The following NTM variants were observed in gnomAD, a reference collection of about 807,000 sequenced individuals.
NTM encodes IgLON family member 2.
A neutral mutation model predicts 42.1 loss-of-function variants in NTM; 13 were observed. The ratio of observed to expected loss-of-function variants is 0.31; its 90% confidence interval spans 0.20 to 0.49. The LOEUF (loss-of-function observed/expected upper bound fraction) is 0.49. Among genes scored for constraint, NTM ranks in the 20% least tolerant of loss-of-function variants. NTM has a pLI of 0.99. For synonymous variants in NTM, 187 were observed against 179.2 expected (o/e 1.04, Z -0.35); for missense variants, 373 against 452.8 (o/e 0.82, Z 1.60).
chr11:131,567,201 A>G lies in NTM; in HGVS notation c.82+196313A>G, dbSNP rs2056980444. Among the ~76,000 whole-genome samples, 3 of 152,122 alleles carry G rather than the reference A, an allele frequency of 2.0e-5. No homozygotes were observed. The South Asian group carries it at 6.2e-4, about 32-fold the overall frequency. On this transcript the variant is annotated intron_variant, in intron 1 of 8. Transcript: ENST00000683400. Reference sequence around the variant, plus strand: ...GATGCTTGGTGGGAAACCTAAAAAAACCCTAGAGGCCGGGCACAGTGGCTC... The same window carrying G: ...GATGCTTGGTGGGAAACCTAAAAAAGCCCTAGAGGCCGGGCACAGTGGCTC...
intron 2 of NTM, among the ~76,000 whole-genome samples, chr11:132,056,845 C>A (rs1373043728): frequency 6.6e-6 from 1 of 152,196 alleles, no homozygotes; most frequent in Non-Finnish European, 1.5e-5. Context: ...TCCCCCAGTG[C>A]ACTCCACGGA....
intron 3 of NTM, among the ~76,000 whole-genome samples, chr11:132,162,357 T>A (rs1172524168): frequency 6.7e-6 from 1 of 150,006 alleles, no homozygotes; most frequent in Non-Finnish European, 1.5e-5. Context: ...GTGGGGCATG[T>A]GGGGGGGACT....
At chr11:131,522,896 G>T (rs1485842217) in intron 1 of NTM, among the ~76,000 whole-genome samples, 1 of 152,232 alleles carries the variant, frequency 6.6e-6, no homozygotes, top group Non-Finnish European at 1.5e-5. Flanking sequence ...CTAGACTGAT[G>T]AATATCCAGA....
At chr11:132,131,765 C>T in intron 2 of NTM, among the ~76,000 whole-genome samples, 1 of 152,230 alleles carries the variant, frequency 6.6e-6, no homozygotes, top group Non-Finnish European at 1.5e-5. Context: ...AGAAAGGTCC[C>T]TGCGGCAAAA....
In NTM at chr11:132,267,152, T is replaced by A. The variant is rs181617692; in HGVS notation, c.527-40537T>A. On this transcript the variant is annotated intron_variant, in intron 4 of 8. Transcript: ENST00000683400. ...TCCCTGGAGTAGCTAGATCAAAGGA[T>A]TTTTCCTCTGAAAAGCTCATTTAGT... Among the ~76,000 whole-genome samples the A allele has an allele frequency of 1.7e-3, 263 of 152,260 alleles. 1 individual carries two copies. Among genetic ancestry groups the A allele is most frequent in the Non-Finnish European group, 3.1e-3 (208 of 68,014 alleles).
intron 4 of NTM, among the ~76,000 whole-genome samples, chr11:132,254,088 A>C (rs1449056126): frequency 2.0e-5 from 3 of 152,114 alleles, no homozygotes; most frequent in African/African-American, 7.2e-5. Context: ...GTTGTTTGCT[A>C]TCCAGACTCT....
At chr11:131,692,900 T>A (rs959613756) in intron 1 of NTM, among the ~76,000 whole-genome samples, 3 of 152,220 alleles carry the variant, frequency 2.0e-5, no homozygotes, top group African/African-American at 7.2e-5. Context: ...AGGGTTAGTG[T>A]CAGATGCTTC....
rs369264363 is a variant in NTM, at chr11:131,929,326, G to T, written c.167+17678G>T. Among the ~76,000 whole-genome samples, 39 of 152,274 alleles carry T rather than the reference G, an allele frequency of 2.6e-4. 2 individuals carry two copies. Among genetic ancestry groups the T allele is most frequent in the African/African-American group, 8.9e-4 (37 of 41,538 alleles). ...GATCATCCTTGGCCTGAACCAACGG[G>T]GGGGCACATGTGGGCGGGGCCTGGT... On this transcript the variant is annotated intron_variant, in intron 2 of 8. Transcript: ENST00000683400.
chr11:132,042,615 G>T (rs2077355251), intron 2 of NTM, among the ~76,000 whole-genome samples: 1 of 152,166 alleles, frequency 6.6e-6, no homozygotes, highest in Admixed American at 6.5e-5. Flanking sequence ...AAGAGCCTTT[G>T]AGCTTAGAGC....
intron 1 of NTM, among the ~76,000 whole-genome samples, chr11:131,876,257 G>T (rs1190338012): frequency 1.3e-5 from 2 of 152,180 alleles, no homozygotes; most frequent in Non-Finnish European, 2.9e-5. Context: ...ACACACTTGT[G>T]TGCGTGCAGT....
At chr11:131,558,807 G>A (rs2055813629) in intron 1 of NTM, among the ~76,000 whole-genome samples, 1 of 152,174 alleles carries the variant, frequency 6.6e-6, no homozygotes, top group Non-Finnish European at 1.5e-5. Context: ...CTGGATCTCT[G>A]CGAGTGGCTT....
chr11:131,645,200 C>A (rs75084595), intron 1 of NTM, among the ~76,000 whole-genome samples: 1,959 of 152,270 alleles, frequency 0.013, 12 homozygotes, highest in Non-Finnish European at 0.022. Flanking sequence ...AGTAAAGTAA[C>A]CACCCCAAGG....
At chr11:131,481,464 GAGA>G (rs774173739) in intron 1 of NTM, among the ~76,000 whole-genome samples, 1 of 152,232 alleles carries the variant, frequency 6.6e-6, no homozygotes, top group African/African-American at 2.4e-5. Context: ...CTGGATGGTG[GAGA>G]AGAAGGGGGA....
In NTM at chr11:131,637,015, CT is replaced by C. The variant is rs528794569; in HGVS notation, c.82+266130del. Among the ~76,000 whole-genome samples, 259 of 152,254 alleles carry C rather than the reference CT, an allele frequency of 1.7e-3. 1 individual carries two copies. Among genetic ancestry groups the C allele is most frequent in the African/African-American group, 5.3e-3 (222 of 41,566 alleles). Reference sequence around the variant, plus strand: ...ACCCAGATTGCCCTTAAAGCTGGTTCTTTCTGTGTCCAGAGAAGTCCCCTGT... The same window carrying C: ...ACCCAGATTGCCCTTAAAGCTGGTTCTTCTGTGTCCAGAGAAGTCCCCTGT... On this transcript the variant is annotated intron_variant, in intron 1 of 8. Coordinates refer to ENST00000683400, the MANE Select transcript of NTM (RefSeq NM_001352005.2).
intron 3 of NTM, among the ~76,000 whole-genome samples, chr11:132,151,854 A>G (rs1000075458): frequency 5.9e-5 from 9 of 152,208 alleles, no homozygotes; most frequent in African/African-American, 2.2e-4. Context: ...AAGGGACTAG[A>G]CTAGGGAGAC....
chr11:131,789,893 T>C (rs940918835), intron 1 of NTM, among the ~76,000 whole-genome samples: 6 of 142,852 alleles, frequency 4.2e-5, no homozygotes, highest in Non-Finnish European at 7.5e-5. Flanking sequence ...GAGGCGGAGC[T>C]TGCAGTGAGC....
intron 1 of NTM, among the ~76,000 whole-genome samples, chr11:131,403,512 GAAACAAAC>G (rs370951018): frequency 6.6e-6 from 1 of 151,920 alleles, no homozygotes; most frequent in African/African-American, 2.4e-5. Context: ...CAGAAAGAAA[GAAACAAAC>G]AAACAAACAA....
At chr11:132,008,396 C>T (rs559503637) in intron 2 of NTM, among the ~76,000 whole-genome samples, 2 of 152,262 alleles carry the variant, frequency 1.3e-5, no homozygotes, top group Middle Eastern at 3.4e-3. Context: ...CCTAATATAG[C>T]TGACCTCAGA....
chr11:131,371,892 C>T (rs1941253629), intron 1 of NTM, among the ~76,000 whole-genome samples: 2 of 152,196 alleles, frequency 1.3e-5, no homozygotes, highest in South Asian at 2.1e-4. Flanking sequence ...CAGCAGGGCT[C>T]CGGGAGGAGG....
Sources: gnomAD v4.1 joint callset for allele counts (sites outside exome capture counted in the v4.1 genomes callset) on GRCh38, gnomAD v4.1.1 for gene constraint, MANE v1.5 for transcripts, NCBI Gene and HGNC (gene_info 2026-07-23, HGNC 2026-07-21) for gene names.